HMG20B: variants seen among roughly 807,000 people sequenced by gnomAD.
HMG20B encodes high mobility group 20B.
A neutral mutation model predicts 41.6 loss-of-function variants in HMG20B; 24 were observed. The ratio of observed to expected loss-of-function variants is 0.58; its 90% CI spans 0.42 to 0.81. The LOEUF is 0.81. Among genes scored for constraint, HMG20B ranks in the 30% least tolerant of loss-of-function variants. HMG20B has a pLI of 0.00. For synonymous variants in HMG20B, 251 were observed against 186.6 expected (o/e 1.34, Z -2.81); for missense variants, 461 against 444.0 (o/e 1.04, Z -0.34).
intron 4 of HMG20B, 25 bp downstream of exon 4, chr19:3,574,611 G>T (rs1471023310): frequency 2.6e-6 from 4 of 1,556,792 alleles, no homozygotes; most frequent in South Asian, 1.2e-5. Context: ...GCGCCGAGCA[G>T]GGCTGGCGGG....
At position 3,573,304 on chromosome 19, in the gene HMG20B, G is replaced by C. The variant is rs778743531; in HGVS notation, c.-6G>C. The C allele has an allele frequency of 1.3e-6, 2 of 1,525,068 alleles. No homozygotes were observed. Among genetic ancestry groups the C allele is most frequent in the Admixed American group, 4.0e-5 (2 of 50,032 alleles). The allele number at this position is 1,525,068 out of a possible 1,614,324, so 94.5% of individuals were successfully genotyped here. A position where few individuals can be genotyped will look rare whatever the true frequency, so the allele number is the denominator to read the frequency against. Reference sequence around the variant, plus strand: ...GTCCGTGTTCCAGGTCCGGCCCGGAGCGGCCATGTCCCACGGCCCCAAGCA... The same window carrying C: ...GTCCGTGTTCCAGGTCCGGCCCGGACCGGCCATGTCCCACGGCCCCAAGCA... On this transcript the variant is annotated 5_prime_UTR_variant, in exon 2 of 10. Coordinates refer to ENST00000333651, the MANE Select transcript of HMG20B (RefSeq NM_006339.3).
intron 8 of HMG20B, 22 bp downstream of exon 8, chr19:3,577,129 C>T: frequency 6.8e-7 from 1 of 1,461,380 alleles, no homozygotes; most frequent in Non-Finnish European, 9.0e-7. Context: ...GCCCATCTCC[C>T]AGTCCCGCCC....
Position 3,576,304 on chromosome 19 carries a change from C to T in HMG20B, c.516C>T (p.His172=). The T allele has an allele frequency of 6.2e-7, 1 of 1,603,584 alleles. No individual in the cohort carries two copies. The highest frequency in any genetic ancestry group is 8.5e-7 in the Non-Finnish European group (1 of 1,174,834). The part of the protein sequence containing the change: ...SGLMNTLLNG[H]KGGDCDGFST... ...TCATGAACACTCTCCTGAATGGACA[C>T]AAGGTAAGCGACCTTCTTCCTCTCA... Residue 172 remains histidine (H), a synonymous_variant, in exon 6 of 10, where the codon CAC becomes CAT. Coordinates refer to ENST00000333651, the MANE Select transcript of HMG20B (RefSeq NM_006339.3).
intron 5 of HMG20B, chr19:3,575,963 AAAG>A (rs1423172756): frequency 5.7e-6 from 3 of 526,412 alleles, no homozygotes; most frequent in Non-Finnish European, 6.7e-6. Flanking sequence ...AAAAAAAGAA[AAAG>A]AAAAATGAAA....
At position 3,576,583 on chromosome 19, in the gene HMG20B, G is replaced by A. The variant is rs2032166374; in HGVS notation, c.550G>A (p.Asp184Asn). Reference protein sequence around the residue: ...GGDCDGFSTFDVPIFTEEFLD... With the variant: ...GGDCDGFSTFNVPIFTEEFLD... ...GGACTGCGATGGCTTCTCCACCTTC[G>A]ATGTTCCCATCTTCACTGAAGAGTT... is the stretch of plus-strand genomic sequence containing the variant. Residue 184 changes from aspartate to asparagine, a missense_variant, in exon 7 of 10, where the codon GAT (aspartate) becomes AAT (asparagine). By Grantham distance (23) the Asp-to-Asn change is conservative. Around this residue, in one of 3 missense-constraint regions of HMG20B, gnomAD observed 308 missense variants for 283.4 expected, o/e 1.09. Coordinates refer to ENST00000333651, the MANE Select transcript of HMG20B (RefSeq NM_006339.3). The A allele has an allele frequency of 6.2e-7, 1 of 1,613,644 alleles. No homozygotes were observed. Among genetic ancestry groups the A allele is most frequent in the Non-Finnish European group, 8.5e-7 (1 of 1,179,756 alleles).
At chr19:3,573,437 A>C in intron 2 of HMG20B, 90 bp downstream of exon 2, 1 of 1,326,284 alleles carries the variant, frequency 7.5e-7, no homozygotes, top group Non-Finnish European at 1.0e-6. Context: ...CTCCCGCCGG[A>C]GTCTTGACTC....
In HMG20B at chr19:3,576,905, G is replaced by A. The variant is rs752713053; in HGVS notation, c.606G>A (p.Glu202=). The A allele has an allele frequency of 1.9e-6, 3 of 1,572,788 alleles. No homozygotes were observed. In the Admixed American group the frequency reaches 5.6e-5, roughly 29 times the overall value. The change falls in exon 8 of 10, where the codon GAG becomes GAA. Residue 202 remains glutamate (E), a synonymous_variant. Transcript: ENST00000333651. ...CCCCCGGCGCAGCGCGTGAGGCGGA[G>A]CTTCGGCGCTTGCGGAAGATGAATG... ...FLDQNKAREA[E]LRRLRKMNVA...
In HMG20B at chr19:3,573,286, T is replaced by C; in HGVS notation, c.-18-6T>C. On this transcript the variant is annotated splice_polypyrimidine_tract_variant and splice_region_variant and intron_variant, in intron 1 of 9. Coordinates refer to ENST00000333651, the MANE Select transcript of HMG20B (RefSeq NM_006339.3). ...CTACTCACCTCCGCCCGCGTCCGTG[T>C]TCCAGGTCCGGCCCGGAGCGGCCAT... 2.0e-6 allele frequency: 3 copies of C among 1,521,288 alleles called. No individual in the cohort carries two copies. Among genetic ancestry groups the C allele is most frequent in the Non-Finnish European group, 1.8e-6 (2 of 1,138,340 alleles). The allele number at this position is 1,521,288 out of a possible 1,614,324, so 94.2% of individuals were successfully genotyped here.
chr19:3,576,448 C>G, intron 6 of HMG20B, 105 bp from the exon 7 acceptor site: 1 of 1,341,150 alleles, frequency 7.5e-7, no homozygotes, highest in Non-Finnish European at 1.1e-6. Flanking sequence ...GTTGATTGTA[C>G]TCCCACCGGG....
In HMG20B at chr19:3,577,038, G is replaced by C. The variant is rs1014264982; in HGVS notation, c.739G>C (p.Ala247Pro). The change falls in exon 8 of 10, where the codon GCG becomes CCG. Residue 247 changes from alanine (A) to proline (P), a missense_variant. Ala to Pro is a conservative substitution (Grantham distance 27). Around this residue, in one of 3 missense-constraint regions of HMG20B, gnomAD observed 308 missense variants for 283.4 expected, o/e 1.09. Transcript: ENST00000333651. ...ELALEERRTL[A>P]LQQQLQAVRQ... ...GGCGCTGGAGGAGCGGAGGACGCTG[G>C]CGCTGCAGCAGCAGCTCCAGGCCGT... 26 of 1,549,138 alleles carry C rather than the reference G, an allele frequency of 1.7e-5. No homozygotes were observed. The highest frequency in any genetic ancestry group is 2.3e-5 in the Non-Finnish European group (26 of 1,147,606).
intron 5 of HMG20B, 40 bp from the exon 6 acceptor site, chr19:3,576,221 G>A (rs751093335): frequency 5.6e-6 from 9 of 1,600,998 alleles, no homozygotes; most frequent in African/African-American, 4.0e-5. Context: ...GGTCCCTGGA[G>A]GCCTGGGAGG....
Position 3,574,600 on chromosome 19 carries a change from G to C in HMG20B, c.351+14G>C. On this transcript the variant is annotated intron_variant, in intron 4 of 9. Transcript: ENST00000333651. ...ACGGAAAAGCAGGTGGGCGGGGCGGGGCGCCGAGCAGGGCTGGCGGGGTCC... is the reference window on the plus strand; with the variant it reads ...ACGGAAAAGCAGGTGGGCGGGGCGGCGCGCCGAGCAGGGCTGGCGGGGTCC... 6.3e-7 allele frequency: 1 copy of C among 1,578,450 alleles called. No individual in the cohort carries two copies. The highest frequency in any genetic ancestry group is 1.8e-5 in the Admixed American group (1 of 55,378).
At chr19:3,574,292 C>A (rs1031926875) in intron 3 of HMG20B, 91 bp from the exon 4 acceptor site, 5 of 939,772 alleles carry the variant, frequency 5.3e-6, no homozygotes, top group South Asian at 1.6e-5. Context: ...CCCCCATCCC[C>A]GCCCATACGC....
At chr19:3,576,447 A>G (rs1356859160) in intron 6 of HMG20B, 106 bp from the exon 7 acceptor site, 2 of 1,333,206 alleles carry the variant, frequency 1.5e-6, no homozygotes, top group East Asian at 4.7e-5. Context: ...TGTTGATTGT[A>G]CTCCCACCGG....
At position 3,578,515 on chromosome 19, in the gene HMG20B, C is replaced by T. The variant is rs1269195125; in HGVS notation, c.948C>T (p.His316=). ...CCCTCCTCTCTCGTTTCAGCGAGCA[C>T]CTGTGAGGAGTGGGCGGGCCCACGA... is the stretch of plus-strand genomic sequence containing the variant. ...KEILAQVASE[H]L is the part of the protein sequence containing the mutation. Residue 316 remains histidine (H), a synonymous_variant, in exon 10 of 10, where the codon CAC becomes CAT. Transcript: ENST00000333651. 1.1e-5 allele frequency: 17 copies of T among 1,571,354 alleles called. No individual in the cohort carries two copies. The highest frequency in any genetic ancestry group is 1.2e-5 in the Non-Finnish European group (14 of 1,159,844).
At chr19:3,577,953 T>C in intron 8 of HMG20B, 28 bp from the exon 9 acceptor site, 1 of 1,547,566 alleles carries the variant, frequency 6.5e-7, no homozygotes, top group Non-Finnish European at 8.7e-7. Context: ...CCCGGCACCC[T>C]CGCCTGACCT....
intron 4 of HMG20B, among the ~76,000 whole-genome samples, chr19:3,574,843 C>G (rs187960436): frequency 6.6e-6 from 1 of 152,198 alleles, no homozygotes; most frequent in African/African-American, 2.4e-5. Flanking sequence ...CTCAGCCTCT[C>G]AGGTAGCTGG....
At position 3,573,303 on chromosome 19, in the gene HMG20B, A is replaced by T; in HGVS notation, c.-7A>T. On this transcript the variant is annotated 5_prime_UTR_variant, in exon 2 of 10. Coordinates refer to ENST00000333651, the MANE Select transcript of HMG20B (RefSeq NM_006339.3). ...CGTCCGTGTTCCAGGTCCGGCCCGG[A>T]GCGGCCATGTCCCACGGCCCCAAGC... is the stretch of plus-strand genomic sequence containing the variant. 2 of 1,524,494 alleles carry T rather than the reference A, an allele frequency of 1.3e-6. No individual in the cohort carries two copies. The highest frequency in any genetic ancestry group is 1.8e-6 in the Non-Finnish European group (2 of 1,139,140). The allele number at this position is 1,524,494 out of a possible 1,614,324, so 94.4% of individuals were successfully genotyped here.
At position 3,578,954 on chromosome 19, in the gene HMG20B, A is replaced by G. The variant is rs1325831060; in HGVS notation, c.*433A>G. 1 of 382,602 alleles carries G rather than the reference A, an allele frequency of 2.6e-6. No individual in the cohort carries two copies. Among genetic ancestry groups the G allele is most frequent in the Admixed American group, 3.4e-5 (1 of 29,512 alleles). The allele number at this position is 382,602 out of a possible 1,614,324, so 23.7% of individuals were successfully genotyped here. A position where few individuals can be genotyped will look rare whatever the true frequency, so the allele number is the denominator to read the frequency against. On this transcript the variant is annotated 3_prime_UTR_variant, in exon 10 of 10. Transcript: ENST00000333651. ...CCTGGGGTGTCCCCCGCATGCCTGTACCCCAGATGGGTGGGGGCCGGCTTT... is the reference window on the plus strand; with the variant it reads ...CCTGGGGTGTCCCCCGCATGCCTGTGCCCCAGATGGGTGGGGGCCGGCTTT...
Sources: gnomAD v4.1 joint callset for allele counts (sites outside exome capture counted in the v4.1 genomes callset) on GRCh38, gnomAD v4.1.1 for gene constraint, gnomAD v4.1.1 regional missense constraint, MANE v1.5 for transcripts, NCBI Gene and HGNC (gene_info 2026-07-23, HGNC 2026-07-21) for gene names.